The following RAB27B variants were observed in gnomAD, a reference collection of about 807,000 sequenced individuals.
The protein encoded by RAB27B is RAB27B, member RAS oncogene family, also known as ras-related protein Rab-27B.
In RAB27B, 15 loss-of-function variants were observed where a neutral mutation model predicts 24.6. That is an observed-to-expected ratio of 0.61 (90% CI 0.41 to 0.94). The LOEUF is 0.94. Ranked by LOEUF, RAB27B falls within the 40% of genes least tolerant of loss-of-function variation. The pLI is 0.00. For synonymous variants in RAB27B, 105 were observed against 92.5 expected (o/e 1.14, Z -0.78); for missense variants, 261 against 266.8 (o/e 0.98, Z 0.15).
chr18:54,865,132 A>G (rs983891431), intron 1 of RAB27B, among the ~76,000 whole-genome samples: 1 of 152,190 alleles, frequency 6.6e-6, no homozygotes, highest in African/African-American at 2.4e-5. Flanking sequence ...GATTAAATAC[A>G]TGCAAATACA....
chr18:54,836,283 TTC>T (rs1156725824), intron 1 of RAB27B, among the ~76,000 whole-genome samples: 1 of 151,974 alleles, frequency 6.6e-6, no homozygotes, highest in East Asian at 1.9e-4. Context: ...CCAGCAGATC[TTC>T]TTATCAAGTG....
upstream of RAB27B, among the ~76,000 whole-genome samples, chr18:54,823,546 T>C (rs983673399): frequency 2.0e-5 from 3 of 152,188 alleles, no homozygotes; most frequent in African/African-American, 7.2e-5. Context: ...GTTTAAAGCT[T>C]ACAAATGCTG....
Position 54,888,037 on chromosome 18 carries a change from T to C in RAB27B, c.386T>C (p.Val129Ala). ...ANAYCENPDI[V>A]LIGNKADLPD... is the part of the protein sequence containing the mutation. ...GCTTATTGTGAAAATCCAGATATAGTATTAATTGGCAACAAGGCAGACCTA... is the reference window on the plus strand; with the variant it reads ...GCTTATTGTGAAAATCCAGATATAGCATTAATTGGCAACAAGGCAGACCTA... Residue 129 changes from valine (V) to alanine (A), a missense_variant, in exon 5 of 6, where the codon GTA (valine) becomes GCA (alanine). By Grantham distance (64) the Val-to-Ala change is moderately conservative (BLOSUM62 0). Transcript: ENST00000262094. 1 of 1,613,054 alleles carries C rather than the reference T, an allele frequency of 6.2e-7. No homozygotes were observed. Among genetic ancestry groups the C allele is most frequent in the East Asian group, 2.2e-5 (1 of 44,846 alleles).
In RAB27B at chr18:54,732,805, A is replaced by G. The variant is rs971889571; in HGVS notation, c.-20+14664A>G. Reference sequence around the variant, plus strand: ...CCAGACAAAAGTTATTTATATTTCTACAGGACCAACCTCTATAGGTTAACA... The same window carrying G: ...CCAGACAAAAGTTATTTATATTTCTGCAGGACCAACCTCTATAGGTTAACA... On this transcript the variant is annotated intron_variant, in intron 2 of 4. Coordinates refer to the RAB27B transcript ENST00000586570. 2.0e-5 allele frequency among the ~76,000 whole-genome samples: 3 copies of G among 152,174 alleles called. No homozygotes were observed. In the South Asian group the frequency reaches 6.2e-4, roughly 32 times the overall value.
chr18:54,829,830 G>T (rs1311882985), intron 1 of RAB27B, among the ~76,000 whole-genome samples: 1 of 152,174 alleles, frequency 6.6e-6, no homozygotes, highest in African/African-American at 2.4e-5. Flanking sequence ...CCCTCAAATA[G>T]TTATTTTTCA....
At chr18:54,849,359 T>C (rs559638265) in intron 1 of RAB27B, among the ~76,000 whole-genome samples, 1 of 152,312 alleles carries the variant, frequency 6.6e-6, no homozygotes, top group African/African-American at 2.4e-5. Flanking sequence ...TCTTGAAAGA[T>C]TAGCTTTCTA....
At chr18:54,747,307 C>G (rs567638385) in intron 2 of RAB27B, among the ~76,000 whole-genome samples, 1 of 152,252 alleles carries the variant, frequency 6.6e-6, no homozygotes, top group African/African-American at 2.4e-5. Flanking sequence ...CTCCATATTA[C>G]CTTATAGAAG....
At chr18:54,882,187 A>G (rs1466093613) in intron 3 of RAB27B, among the ~76,000 whole-genome samples, 5 of 152,200 alleles carry the variant, frequency 3.3e-5, no homozygotes. Context: ...TTTGGAAATA[A>G]ATAGCAGTGA....
chr18:54,789,668 T>A (rs1425919261), intron 2 of RAB27B, among the ~76,000 whole-genome samples: 1 of 152,108 alleles, frequency 6.6e-6, no homozygotes, highest in African/African-American at 2.4e-5. Flanking sequence ...AAAAAAACAA[T>A]ATGATGAGTG....
intron 1 of RAB27B, among the ~76,000 whole-genome samples, chr18:54,863,126 T>C (rs886486405): frequency 2.0e-5 from 3 of 152,194 alleles, no homozygotes; most frequent in Admixed American, 2.0e-4. Context: ...GACTAAATGA[T>C]AATAGACTCA....
chr18:54,776,535 C>T (rs557000931), intron 2 of RAB27B, among the ~76,000 whole-genome samples: 19 of 152,286 alleles, frequency 1.2e-4, no homozygotes, highest in African/African-American at 3.9e-4. Context: ...ACCAGCAGTG[C>T]GTAAAACAGA....
At chr18:54,837,311 A>G (rs1269714911) in intron 1 of RAB27B, among the ~76,000 whole-genome samples, 1 of 152,124 alleles carries the variant, frequency 6.6e-6, no homozygotes, top group Non-Finnish European at 1.5e-5. Flanking sequence ...TTAAAGGAAT[A>G]ATTAGCGAGG....
intron 1 of RAB27B, among the ~76,000 whole-genome samples, chr18:54,841,014 G>A (rs1267545312): frequency 6.6e-6 from 1 of 151,990 alleles, no homozygotes; most frequent in Non-Finnish European, 1.5e-5. Context: ...GGGCATGGTG[G>A]TGCACGCTGT....
At chr18:54,815,340 C>G (rs2145156148) in intron 2 of RAB27B, among the ~76,000 whole-genome samples, 1 of 152,258 alleles carries the variant, frequency 6.6e-6, no homozygotes, top group East Asian at 1.9e-4. Context: ...AACAGGGACC[C>G]CTTTGTGCAG....
chr18:54,893,539 G>C lies in RAB27B; in HGVS notation c.*4126G>C, dbSNP rs1320062419. The C allele has an allele frequency of 6.6e-6, 1 of 151,966 alleles. No individual in the cohort carries two copies. The highest frequency in any genetic ancestry group is 1.5e-5 in the Non-Finnish European group (1 of 67,930). The allele number at this position is 151,966 out of a possible 1,614,324, so 9.4% of individuals were successfully genotyped here. On this transcript the variant is annotated 3_prime_UTR_variant, in exon 6 of 6. Coordinates refer to ENST00000262094, the MANE Select transcript of RAB27B (RefSeq NM_004163.4). ...TCACCATGAGCTATATTTTCTTCTG[G>C]ATCTTTGACCAAGGTGATGTCAGCT...
upstream of RAB27B, among the ~76,000 whole-genome samples, chr18:54,827,073 C>A (rs1910499013): frequency 6.6e-6 from 1 of 152,216 alleles, no homozygotes; most frequent in Non-Finnish European, 1.5e-5. Flanking sequence ...CCCATGGACA[C>A]ACACTTCTTA....
intron 1 of RAB27B, among the ~76,000 whole-genome samples, chr18:54,877,026 TC>T (rs1459630828): frequency 1.3e-5 from 2 of 151,400 alleles, no homozygotes; most frequent in Non-Finnish European, 3.0e-5. Flanking sequence ...TCCCCATGTT[TC>T]ATGGGAGGGA....
intron 2 of RAB27B, among the ~76,000 whole-genome samples, chr18:54,747,262 C>T (rs1490189797): frequency 6.6e-6 from 1 of 152,122 alleles, no homozygotes; most frequent in African/African-American, 2.4e-5. Context: ...CTGTCCCCTC[C>T]TGATGATGAA....
chr18:54,875,942 G>A (rs925058857), intron 1 of RAB27B, among the ~76,000 whole-genome samples: 1 of 152,188 alleles, frequency 6.6e-6, no homozygotes, highest in South Asian at 2.1e-4. Context: ...GAATTATCTA[G>A]TGATTTTAGA....
Sources: allele counts gnomAD v4.1 joint callset (sites outside exome capture counted in the v4.1 genomes callset), GRCh38; gene constraint gnomAD v4.1.1; transcripts MANE v1.5; gene names NCBI Gene and HGNC (gene_info 2026-07-23, HGNC 2026-07-21).